Variants in MTA2 observed in about 807,000 individuals in gnomAD.
MTA2 encodes metastasis-associated protein MTA2.
A neutral mutation model predicts 87.1 loss-of-function variants in MTA2; 22 were observed. The ratio of observed to expected loss-of-function variants is 0.25; its 90% confidence interval spans 0.18 to 0.36. The LOEUF is 0.36. Among genes scored for constraint, MTA2 ranks in the 10% least tolerant of loss-of-function variants. The pLI is 1.00. For synonymous variants in MTA2, 314 were observed against 310.1 expected, an observed-to-expected ratio of 1.01 and a Z score of -0.13; for missense variants, 542 against 853.2, an observed-to-expected ratio of 0.64 and a Z score of 4.54.
At position 62,593,927 on chromosome 11, in the gene MTA2, G is replaced by A. The variant is rs771536567; in HGVS notation, c.1955C>T (p.Pro652Leu). 8.7e-6 allele frequency: 14 copies of A among 1,614,114 alleles called. No homozygotes were observed. The African/African-American group carries it at 1.5e-4, about 17-fold the overall frequency. Residue 652 changes from proline to leucine, a missense_variant, in exon 18 of 18, where the codon CCT becomes CTT. Physicochemically the swap from Pro to Leu is moderately conservative, Grantham distance 98. Transcript: ENST00000278823. ...LIAVRPPVPL[P>L]APSHPASTNE... The stretch of plus-strand genomic sequence containing the variant: ...GGTGCTGGCAGGATGTGAGGGTGCA[G>A]GTAGAGGGACAGGGGGCCGCACTGC...
At position 62,598,397 on chromosome 11, in the gene MTA2, G is replaced by C. The variant is rs547210469; in HGVS notation, c.309-7C>G. ...GGTCACACTGCATTTCCCCCTATAG[G>C]AGAGAGATTGGAAAACCCCGGTGAG... On this transcript the variant is annotated splice_polypyrimidine_tract_variant and splice_region_variant and intron_variant, in intron 4 of 17. Transcript: ENST00000278823. 2 of 1,613,780 alleles carry C rather than the reference G, an allele frequency of 1.2e-6. No homozygotes were observed. Among genetic ancestry groups the C allele is most frequent in the African/African-American group, 2.7e-5 (2 of 74,846 alleles).
rs898940786 is a variant in MTA2 at position 62,598,373 on chromosome 11, G to A, written c.326C>T (p.Thr109Ile). ...CAAGATATCTGTCTCATTCAAGAGG[G>A]TCACACTGCATTTCCCCCTATAGGA... is the stretch of plus-strand genomic sequence containing the variant. ...ATHIRGKCSVTLLNETDILSQ... is the reference protein window; with the variant it reads ...ATHIRGKCSVILLNETDILSQ... Residue 109 changes from threonine (T) to isoleucine (I), a missense_variant, in exon 5 of 18, where the codon ACC becomes ATC. This residue lies in a region of MTA2 where 150 missense variants were observed against 243.9 expected (regional missense o/e 0.62). Coordinates refer to ENST00000278823, the MANE Select transcript of MTA2 (RefSeq NM_004739.4). The A allele has an allele frequency of 6.2e-7, 1 of 1,614,036 alleles. No homozygotes were observed. The highest frequency in any genetic ancestry group is 1.7e-5 in the Admixed American group (1 of 60,016).
In MTA2 at chr11:62,598,394, T is replaced by G. The variant is rs763706693; in HGVS notation, c.309-4A>C. ...GAGGGTCACACTGCATTTCCCCCTA[T>G]AGGAGAGAGATTGGAAAACCCCGGT... is the stretch of plus-strand genomic sequence containing the variant. On this transcript the variant is annotated splice_polypyrimidine_tract_variant and splice_region_variant and intron_variant, in intron 4 of 17. Transcript: ENST00000278823. 2 of 1,614,002 alleles carry G rather than the reference T, an allele frequency of 1.2e-6. No homozygotes were observed. Among genetic ancestry groups the G allele is most frequent in the Admixed American group, 1.7e-5 (1 of 60,006 alleles).
chr11:62,595,705 C>A lies in MTA2; in HGVS notation c.1254+47G>T. On this transcript the variant is annotated intron_variant, in intron 13 of 17. Transcript: ENST00000278823. This position sits in a 1 kb window ranked among gnomAD's most constrained non-coding sequence, Gnocchi z 4.9. ...TCTGGCCTTCACCTAAGCTCACCATCAATATGCTTACTGCTCTCCCCTGCT... is the reference window on the plus strand; with the variant it reads ...TCTGGCCTTCACCTAAGCTCACCATAAATATGCTTACTGCTCTCCCCTGCT... The A allele has an allele frequency of 6.2e-7, 1 of 1,607,072 alleles. No homozygotes were observed. Among genetic ancestry groups the A allele is most frequent in the Non-Finnish European group, 8.5e-7 (1 of 1,175,892 alleles).
chr11:62,594,262 G>C lies in MTA2; in HGVS notation c.1838C>G (p.Thr613Ser). 6.2e-7 allele frequency: 1 copy of C among 1,614,108 alleles called. No individual in the cohort carries two copies. Among genetic ancestry groups the C allele is most frequent in the Non-Finnish European group, 8.5e-7 (1 of 1,180,018 alleles). ...NPVVFVATKD[T>S]RALRKALTHL... ...CCTCCCATGGTAGACGCCTTACCTG[G>C]TATCCTTTGTGGCCACAAACACCAC... The change falls in exon 17 of 18, where the codon ACC becomes AGC. Residue 613 changes from threonine (T) to serine (S), a missense_variant. Physicochemically the swap from Thr to Ser is moderately conservative, Grantham distance 58 (BLOSUM62 1). Transcript: ENST00000278823.
chr11:62,594,750 G>A (rs534337338), intron 15 of MTA2, 116 bp from the exon 16 acceptor site: 33 of 1,007,330 alleles, frequency 3.3e-5, no homozygotes, highest in South Asian at 2.6e-4. Flanking sequence ...AGTAGCAATG[G>A]GGGAATGTTC....
chr11:62,601,510 G>A lies in MTA2; in HGVS notation c.-60C>T, dbSNP rs1942200347. ...GGGTCCGGGAGGCTCGCGGGGGCAG[G>A]GCTCGGCTCGAGGCAAAGCCCCGAA... is the stretch of plus-strand genomic sequence containing the variant. On this transcript the variant is annotated 5_prime_UTR_variant, in exon 1 of 18. Coordinates refer to ENST00000278823, the MANE Select transcript of MTA2 (RefSeq NM_004739.4). 3 of 1,569,624 alleles carry A rather than the reference G, an allele frequency of 1.9e-6. No individual in the cohort carries two copies. Among genetic ancestry groups the A allele is most frequent in the Non-Finnish European group, 2.6e-6 (3 of 1,160,350 alleles).
intron 3 of MTA2, 115 bp from the exon 4 acceptor site, chr11:62,598,754 C>T: frequency 2.1e-6 from 2 of 931,258 alleles, no homozygotes; most frequent in South Asian, 1.5e-5. Context: ...TCTCACATTT[C>T]CCAGGCGTCT....
chr11:62,597,910 T>C (rs1383692369), intron 6 of MTA2, 114 bp downstream of exon 6: 12 of 1,077,564 alleles, frequency 1.1e-5, no homozygotes, highest in East Asian at 2.4e-5. Flanking sequence ...CAGAGAGCCC[T>C]GCAGACAGTG....
At chr11:62,600,998 G>C (rs772141883) in intron 1 of MTA2, 11 of 490,004 alleles carry the variant, frequency 2.2e-5, no homozygotes, top group Non-Finnish European at 4.0e-5. Context: ...CGAAGTAATT[G>C]TCCGCTCTAG....
rs1942211423 is a variant in MTA2 at position 62,601,787 on chromosome 11, A to T, written c.-337T>A. ...CTAGTCGTTGGGCTCTGCCGGCCGC[A>T]GGGAAGGCTTGCCGGGCCCGCCTCA... On this transcript the variant is annotated 5_prime_UTR_variant, in exon 1 of 18. Coordinates refer to ENST00000278823, the MANE Select transcript of MTA2 (RefSeq NM_004739.4). 3 of 504,724 alleles carry T rather than the reference A, an allele frequency of 5.9e-6. No homozygotes were observed. The East Asian group carries it at 1.1e-4, about 18-fold the overall frequency. 31.3% of individuals were successfully genotyped at this position (504,724 alleles called of 1,614,324 possible).
intron 2 of MTA2, 74 bp downstream of exon 2, chr11:62,600,548 C>G (rs1291327714): frequency 1.4e-6 from 2 of 1,385,256 alleles, no homozygotes; most frequent in Non-Finnish European, 2.0e-6. Flanking sequence ...ATAGGATCCT[C>G]TCTTCCACCA....
intron 6 of MTA2, 79 bp from the exon 7 acceptor site, chr11:62,597,791 C>CCT: frequency 8.7e-7 from 1 of 1,155,422 alleles, no homozygotes; most frequent in Admixed American, 1.9e-5. Flanking sequence ...AATAGCACCT[C>CCT]CTCCTTCTCT....
In MTA2 at chr11:62,601,519, C is replaced by A; in HGVS notation, c.-69G>T. ...AGGCTCGCGGGGGCAGGGCTCGGCT[C>A]GAGGCAAAGCCCCGAACGGTGGGCT... On this transcript the variant is annotated 5_prime_UTR_variant, in exon 1 of 18. Transcript: ENST00000278823. 6.5e-7 allele frequency: 1 copy of A among 1,549,598 alleles called. No individual in the cohort carries two copies. The highest frequency in any genetic ancestry group is 1.9e-4 in the Middle Eastern group (1 of 5,160).
Position 62,593,354 on chromosome 11 carries a change from G to C in MTA2, c.*521C>G, listed in dbSNP as rs544203489. ...GGGGAGGGAAGGAAAGAGCGAGCGT[G>C]GCCTGGGGTTGATGCCAGCTTAGGG... On this transcript the variant is annotated 3_prime_UTR_variant, in exon 18 of 18. Transcript: ENST00000278823. 6.6e-6 allele frequency: 1 copy of C among 151,728 alleles called. No homozygotes were observed. Among genetic ancestry groups the C allele is most frequent in the Admixed American group, 6.6e-5 (1 of 15,182 alleles). 9.4% of individuals were successfully genotyped at this position (151,728 alleles called of 1,614,324 possible).
chr11:62,598,515 C>T lies in MTA2; in HGVS notation c.308+7G>A. Reference sequence around the variant, plus strand: ...CGCAGGCTATGCTGGCCCCAGTTGTCCTGTACCGTATGTGGGTGGCTGGTA... The same window carrying T: ...CGCAGGCTATGCTGGCCCCAGTTGTTCTGTACCGTATGTGGGTGGCTGGTA... On this transcript the variant is annotated splice_region_variant and intron_variant, in intron 4 of 17. Coordinates refer to ENST00000278823, the MANE Select transcript of MTA2 (RefSeq NM_004739.4). The T allele has an allele frequency of 8.7e-6, 14 of 1,613,804 alleles. No homozygotes were observed. Among genetic ancestry groups the T allele is most frequent in the Non-Finnish European group, 1.2e-5 (14 of 1,179,700 alleles).
Position 62,601,584 on chromosome 11 carries a change from C to A in MTA2, c.-134G>T. The A allele has an allele frequency of 9.6e-7, 1 of 1,041,650 alleles. No homozygotes were observed. The highest frequency in any genetic ancestry group is 1.7e-5 in the South Asian group (1 of 58,876). 64.5% of individuals were successfully genotyped at this position (1,041,650 alleles called of 1,614,324 possible). A position where few individuals can be genotyped will look rare whatever the true frequency, so the allele number is the denominator to read the frequency against. On this transcript the variant is annotated 5_prime_UTR_variant, in exon 1 of 18. Coordinates refer to ENST00000278823, the MANE Select transcript of MTA2 (RefSeq NM_004739.4). ...GTCTCACTGGGGCCCGCGCAGCCGGCACCTCCGCTGCCTCAGCCGTCGCGG... is the reference window on the plus strand; with the variant it reads ...GTCTCACTGGGGCCCGCGCAGCCGGAACCTCCGCTGCCTCAGCCGTCGCGG...
At chr11:62,598,719 A>T (rs574890140) in intron 3 of MTA2, 80 bp from the exon 4 acceptor site, 1 of 1,273,208 alleles carries the variant, frequency 7.9e-7, no homozygotes, top group Non-Finnish European at 1.1e-6. Context: ...CTCAGGGAAA[A>T]TATTTCCTAT....
intron 7 of MTA2, 77 bp from the exon 8 acceptor site, chr11:62,597,492 G>A: frequency 6.6e-7 from 1 of 1,520,580 alleles, no homozygotes; most frequent in Non-Finnish European, 9.0e-7. Flanking sequence ...AGCCAAAGGA[G>A]AAAGAAGGAA....
Sources: gnomAD v4.1 joint callset for allele counts on GRCh38, gnomAD v4.1.1 for gene constraint, gnomAD v4.1.1 regional missense constraint, Gnocchi (gnomAD v3.1) non-coding constraint, MANE v1.5 for transcripts, NCBI Gene and HGNC (gene_info 2026-07-23, HGNC 2026-07-21) for gene names.